Variants in FHIT observed in about 807,000 individuals in gnomAD.
The protein encoded by FHIT is bis(5'-adenosyl)-triphosphatase.
In FHIT, 19 loss-of-function variants were observed where a neutral mutation model predicts 17.9. That is an observed-to-expected ratio of 1.06 (90% CI 0.74 to 1.56). The LOEUF is 1.56. Among genes scored for constraint, FHIT ranks in the 40% most tolerant of loss-of-function variants. FHIT has a pLI of 0.00. For synonymous variants in FHIT, 81 were observed against 69.7 expected (o/e 1.16, Z -0.81); for missense variants, 248 against 189.2 (o/e 1.31, Z -1.82).
At chr3:61,123,411 T>G (rs900554823) in intron 2 of FHIT, among the ~76,000 whole-genome samples, 2 of 152,024 alleles carry the variant, frequency 1.3e-5, no homozygotes, top group African/African-American at 4.8e-5. Context: ...GATGACAGGT[T>G]GATGGGTGCA....
Position 59,752,289 on chromosome 3 carries a change from G to C in FHIT, c.381C>G (p.Ala127=). Residue 127 remains alanine (A), a synonymous_variant, in exon 9 of 10, where the codon GCC becomes GCG. Coordinates refer to ENST00000492590, the MANE Select transcript of FHIT (RefSeq NM_002012.4). ...CCATTTCCTCCTCTGATCTCCAAGA[G>C]GCAGGAAAGTCCTCCTTGTCATGTT... is the stretch of plus-strand genomic sequence containing the variant. The part of the protein sequence containing the change: ...LQKHDKEDFP[A]SWRSEEEMAA... 2 of 1,613,042 alleles carry C rather than the reference G, an allele frequency of 1.2e-6. No individual in the cohort carries two copies. Among genetic ancestry groups the C allele is most frequent in the Non-Finnish European group, 1.7e-6 (2 of 1,179,578 alleles).
rs945472884 is a variant in FHIT at position 60,089,613 on chromosome 3, G to T, written c.104-75461C>A. On this transcript the variant is annotated intron_variant, in intron 5 of 9. Transcript: ENST00000492590. ...CCATTCCATTATAGGCTGGATGAAA[G>T]GCTTACCCACTGTCTTACACCATTA... is the stretch of plus-strand genomic sequence containing the variant. Among the ~76,000 whole-genome samples, 3 of 152,150 alleles carry T rather than the reference G, an allele frequency of 2.0e-5. 1 individual carries two copies. Among genetic ancestry groups the T allele is most frequent in the Non-Finnish European group, 1.5e-5 (1 of 68,026 alleles).
chr3:60,469,214 A>C (rs1381919056), intron 5 of FHIT, among the ~76,000 whole-genome samples: 1 of 151,886 alleles, frequency 6.6e-6, no homozygotes, highest in African/African-American at 2.4e-5. Flanking sequence ...TAGGTTTTGG[A>C]AGTTTTCTGT....
At chr3:61,177,976 T>C (rs2038209864) in intron 2 of FHIT, among the ~76,000 whole-genome samples, 2 of 152,206 alleles carry the variant, frequency 1.3e-5, no homozygotes, top group Non-Finnish European at 2.9e-5. Flanking sequence ...ATTAAAAATC[T>C]ATCAGTGATG....
In FHIT at chr3:61,102,405, G is replaced by A. The variant is rs368191172; in HGVS notation, c.-163-60306C>T. 2.2e-4 allele frequency among the ~76,000 whole-genome samples: 33 copies of A among 152,194 alleles called. 1 individual carries two copies. In the East Asian group the frequency reaches 3.5e-3, roughly 16 times the overall value. ...CAGCCTTACATCCTAGGGTGAAGCC[G>A]ACTTGATCATGGTGGATAGGCTTTT... On this transcript the variant is annotated intron_variant, in intron 2 of 9. Transcript: ENST00000492590.
At chr3:60,387,315 A>G (rs935624350) in intron 5 of FHIT, among the ~76,000 whole-genome samples, 1 of 151,894 alleles carries the variant, frequency 6.6e-6, no homozygotes, top group African/African-American at 2.4e-5. Flanking sequence ...TGTCTCCCAC[A>G]CTAATCTGCA....
chr3:60,176,909 A>C (rs1352814338), intron 5 of FHIT, among the ~76,000 whole-genome samples: 4 of 152,154 alleles, frequency 2.6e-5, no homozygotes, highest in African/African-American at 9.7e-5. Context: ...CCTCTAACTC[A>C]GGGAAAAGGA....
intron 3 of FHIT, among the ~76,000 whole-genome samples, chr3:60,899,191 C>T (rs59934767): frequency 9.3e-4 from 141 of 152,192 alleles, no homozygotes; most frequent in African/African-American, 3.3e-3. Context: ...CTTTAAAATT[C>T]GATATTTGGT....
At chr3:60,117,803 G>GAAAAAAAAA (rs71089581) in intron 5 of FHIT, among the ~76,000 whole-genome samples, 1 of 150,852 alleles carries the variant, frequency 6.6e-6, no homozygotes, top group African/African-American at 2.4e-5. Context: ...CAGTGAAAAG[G>GAAAAAAAAA]AAAAAAAAAT....
intron 2 of FHIT, among the ~76,000 whole-genome samples, chr3:61,188,145 T>C (rs2038583091): frequency 6.6e-6 from 1 of 152,096 alleles, no homozygotes; most frequent in Non-Finnish European, 1.5e-5. Context: ...ATCCAGGAGC[T>C]GGTTTTTTGA....
intron 3 of FHIT, among the ~76,000 whole-genome samples, chr3:60,859,503 C>T (rs190970415): frequency 5.3e-5 from 8 of 151,998 alleles, no homozygotes; most frequent in African/African-American, 1.2e-4. Flanking sequence ...GACTGAGTTC[C>T]GATCAATGGA....
intron 7 of FHIT, among the ~76,000 whole-genome samples, chr3:59,933,427 T>G (rs1167048234): frequency 6.6e-6 from 1 of 152,204 alleles, no homozygotes; most frequent in African/African-American, 2.4e-5. Context: ...GTACTGTATA[T>G]TATCACATCC....
intron 4 of FHIT, among the ~76,000 whole-genome samples, chr3:60,779,548 G>A (rs1426502268): frequency 2.0e-5 from 3 of 152,184 alleles, no homozygotes; most frequent in Non-Finnish European, 4.4e-5. Context: ...ATCCTGGCAA[G>A]CATAACTATA....
chr3:60,479,862 CCT>C (rs1384368364), intron 5 of FHIT, among the ~76,000 whole-genome samples: 2 of 152,146 alleles, frequency 1.3e-5, no homozygotes, highest in African/African-American at 2.4e-5. Context: ...CCCCATGACC[CCT>C]GTCTGTTGAA....
chr3:60,097,844 C>T (rs1411112647), intron 5 of FHIT, among the ~76,000 whole-genome samples: 8 of 146,630 alleles, frequency 5.5e-5, no homozygotes, highest in Admixed American at 4.7e-4. Context: ...AGGTATATCT[C>T]CTAATGCTAT....
At chr3:60,664,630 T>C (rs1474752407) in intron 4 of FHIT, among the ~76,000 whole-genome samples, 2 of 151,884 alleles carry the variant, frequency 1.3e-5, no homozygotes, top group Non-Finnish European at 2.9e-5. Flanking sequence ...TGGGATATTT[T>C]TAATTATTAA....
intron 3 of FHIT, among the ~76,000 whole-genome samples, chr3:60,827,329 G>A (rs141946988): frequency 1.3e-5 from 2 of 152,290 alleles, no homozygotes; most frequent in East Asian, 3.9e-4. Context: ...AAGGCAGGAG[G>A]CACCAGTAGA....
At chr3:59,994,243 G>T (rs1422356584) in intron 7 of FHIT, among the ~76,000 whole-genome samples, 2 of 152,070 alleles carry the variant, frequency 1.3e-5, no homozygotes, top group East Asian at 3.9e-4. Flanking sequence ...TTAAGCCACT[G>T]TAAAGTACTG....
At chr3:61,093,165 T>C (rs767079314) in intron 2 of FHIT, among the ~76,000 whole-genome samples, 5 of 152,170 alleles carry the variant, frequency 3.3e-5, no homozygotes, top group Non-Finnish European at 5.9e-5. Flanking sequence ...GAGGACTTGA[T>C]ATAATGCATG....
Sources: allele counts gnomAD v4.1 joint callset (sites outside exome capture counted in the v4.1 genomes callset), GRCh38; gene constraint gnomAD v4.1.1; transcripts MANE v1.5; gene names NCBI Gene and HGNC (gene_info 2026-07-23, HGNC 2026-07-21).